Variants in U2AF2 observed in about 807,000 individuals in gnomAD.
U2AF2 encodes the protein U2 small nuclear RNA auxiliary factor 2, also known as splicing factor U2AF 65 kDa subunit.
Under a neutral mutation model 52.6 loss-of-function variants are expected in U2AF2, and 6 were observed. The observed-to-expected ratio is 0.11, with a 90% CI of 0.06 to 0.23. U2AF2 has a LOEUF of 0.23. U2AF2 is among the 10% of genes least tolerant of loss of function. The probability of loss-of-function intolerance (pLI) is 1.00; values close to 1 mark genes in which losing one functional copy is unlikely to be tolerated. For missense variants in U2AF2, 222 were observed against 677.1 expected (o/e 0.33, Z 7.46); for synonymous variants, 284 against 258.2 (o/e 1.10, Z -0.96).
intron 6 of U2AF2, among the ~76,000 whole-genome samples, chr19:55,662,900 C>T (rs1984307552): frequency 6.6e-6 from 1 of 152,118 alleles, no homozygotes; most frequent in Non-Finnish European, 1.5e-5. Context: ...GCACTCTGGC[C>T]ACACTGACCT....
At chr19:55,657,988 GT>G (rs946295302) in intron 1 of U2AF2, among the ~76,000 whole-genome samples, 2 of 152,176 alleles carry the variant, frequency 1.3e-5, no homozygotes, top group Non-Finnish European at 2.9e-5. Flanking sequence ...ATTTGTTGCT[GT>G]TTTTTTCCCT....
rs1983983646 is a variant in U2AF2, at chr19:55,659,063, G to A, written c.50-147G>A. ...CCTGGACTCGCTTGTGGACCCAGGA[G>A]GCCTGTTAATTCCCTTCCTCCATTG... is the stretch of plus-strand genomic sequence containing the variant. On this transcript the variant is annotated intron_variant, in intron 1 of 11. Transcript: ENST00000308924. 3.1e-6 allele frequency: 4 copies of A among 1,272,518 alleles called. No homozygotes were observed. In the South Asian group the frequency reaches 8.9e-5, roughly 28 times the overall value. The allele number at this position is 1,272,518 out of a possible 1,614,324, so 78.8% of individuals were successfully genotyped here.
intron 1 of U2AF2, 109 bp downstream of exon 1, chr19:55,655,262 C>T (rs547162552): frequency 1.4e-5 from 17 of 1,221,692 alleles, no homozygotes; most frequent in Non-Finnish European, 1.7e-5. Context: ...CCGCGCGGCG[C>T]CCCCCAACCC....
Position 55,665,060 on chromosome 19 carries a change from T to C in U2AF2, c.742+1316T>C, listed in dbSNP as rs114674305. Reference sequence around the variant, plus strand: ...GGGTTTTGGTAAATTCAGCTAACCTTTTGGAGCCTGTAATATATGTTGACA... The same window carrying C: ...GGGTTTTGGTAAATTCAGCTAACCTCTTGGAGCCTGTAATATATGTTGACA... On this transcript the variant is annotated intron_variant, in intron 7 of 11. Coordinates refer to ENST00000308924, the MANE Select transcript of U2AF2 (RefSeq NM_007279.3). Among the ~76,000 whole-genome samples the C allele has an allele frequency of 9.0e-3, 1,365 of 152,290 alleles. 18 individuals are homozygous for C. Among genetic ancestry groups the C allele is most frequent in the African/African-American group, 0.032 (1,319 of 41,554 alleles).
intron 1 of U2AF2, among the ~76,000 whole-genome samples, chr19:55,655,882 G>A (rs1325443081): frequency 1.3e-5 from 2 of 152,210 alleles, no homozygotes; most frequent in South Asian, 2.1e-4. Flanking sequence ...TGGCGGTCCC[G>A]AGAATCGCGA....
intron 7 of U2AF2, among the ~76,000 whole-genome samples, chr19:55,667,435 C>T (rs916865227): frequency 1.3e-4 from 20 of 152,096 alleles, no homozygotes; most frequent in African/African-American, 4.1e-4. Flanking sequence ...TCTGACAGGA[C>T]GGCGTCAAGT....
Position 55,655,163 on chromosome 19 carries a change from C to T in U2AF2, c.49+10C>T, listed in dbSNP as rs1360659200. The stretch of plus-strand genomic sequence containing the variant: ...AACGAGAATAAACAAGGTGAGGGCA[C>T]CGGGGTCGCGGGGCGGAGGTGTGGG... On this transcript the variant is annotated intron_variant, in intron 1 of 11. Transcript: ENST00000308924. 3.1e-6 allele frequency: 5 copies of T among 1,602,026 alleles called. No individual in the cohort carries two copies. The highest frequency in any genetic ancestry group is 4.3e-6 in the Non-Finnish European group (5 of 1,175,304).
chr19:55,661,269 A>C (rs1984171585), intron 5 of U2AF2, 80 bp downstream of exon 5: 12 of 1,339,576 alleles, frequency 9.0e-6, no homozygotes, highest in South Asian at 1.7e-5. Flanking sequence ...CCTTTCCCCA[A>C]CCTGCACGGG....
chr19:55,657,870 C>T (rs1038947274), intron 1 of U2AF2, among the ~76,000 whole-genome samples: 2 of 152,158 alleles, frequency 1.3e-5, no homozygotes, highest in African/African-American at 4.8e-5. Flanking sequence ...ACCTTAGTTT[C>T]CTTACCCATT....
intron 6 of U2AF2, 145 bp downstream of exon 6, chr19:55,662,763 T>C (rs1468932240): frequency 4.3e-6 from 3 of 691,478 alleles, no homozygotes; most frequent in South Asian, 3.5e-5. Flanking sequence ...AAGTGAGCCC[T>C]GTTATAGCAT....
At chr19:55,661,546 G>A (rs1223860170) in intron 5 of U2AF2, among the ~76,000 whole-genome samples, 13 of 144,192 alleles carry the variant, frequency 9.0e-5, no homozygotes. Context: ...ACACACAGAC[G>A]CACGCTGCCC....
At chr19:55,662,175 G>T in intron 5 of U2AF2, 1 of 229,968 alleles carries the variant, frequency 4.3e-6, no homozygotes, top group East Asian at 9.9e-5. Context: ...ATTTTGTGTT[G>T]TCATCATGCC....
chr19:55,658,780 G>A (rs768657454), intron 1 of U2AF2: 98 of 159,412 alleles, frequency 6.1e-4, no homozygotes, highest in Non-Finnish European at 9.6e-4. Flanking sequence ...GGGGCTGTGG[G>A]TGCCAGCTAG....
At chr19:55,660,919 C>G in intron 4 of U2AF2, 119 bp from the exon 5 acceptor site, 8 of 1,464,776 alleles carry the variant, frequency 5.5e-6, no homozygotes, top group Non-Finnish European at 7.3e-6. Flanking sequence ...CTGGAAGGTG[C>G]TAAGACCGAG....
chr19:55,664,902 G>A (rs910559672), intron 7 of U2AF2, among the ~76,000 whole-genome samples: 1 of 152,082 alleles, frequency 6.6e-6, no homozygotes, highest in East Asian at 1.9e-4. Flanking sequence ...ATTTTTAGTA[G>A]AGGGTGGGTT....
At chr19:55,673,805 C>T (rs1985091285) in intron 11 of U2AF2, 129 bp from the exon 12 acceptor site, 2 of 1,357,162 alleles carry the variant, frequency 1.5e-6, no homozygotes, top group Non-Finnish European at 2.0e-6. Context: ...CTAAGGGTCC[C>T]TTTCTGACAC....
At chr19:55,672,733 T>TG (rs1420393783) in intron 11 of U2AF2, among the ~76,000 whole-genome samples, 1 of 151,822 alleles carries the variant, frequency 6.6e-6, no homozygotes, top group Non-Finnish European at 1.5e-5. Context: ...TCAAGAATTT[T>TG]TTTTTTTTTT....
At position 55,673,923 on chromosome 19, in the gene U2AF2, T is replaced by G; in HGVS notation, c.1294-11T>G. 6.2e-7 allele frequency: 1 copy of G among 1,606,916 alleles called. No individual in the cohort carries two copies. The highest frequency in any genetic ancestry group is 8.5e-7 in the Non-Finnish European group (1 of 1,175,816). ...GCCTTGTTCACAAACCTGCCTCTCCTTTCCCCACAGATCTTTGTGGAGTTC... is the reference window on the plus strand; with the variant it reads ...GCCTTGTTCACAAACCTGCCTCTCCGTTCCCCACAGATCTTTGTGGAGTTC... On this transcript the variant is annotated splice_polypyrimidine_tract_variant and intron_variant, in intron 11 of 11. Coordinates refer to ENST00000308924, the MANE Select transcript of U2AF2 (RefSeq NM_007279.3).
rs1452233497 is a variant in U2AF2, at chr19:55,660,544, A to G, written c.259A>G (p.Lys87Glu). 2 of 1,575,378 alleles carry G rather than the reference A, an allele frequency of 1.3e-6. No homozygotes were observed. The highest frequency in any genetic ancestry group is 1.7e-6 in the Non-Finnish European group (2 of 1,157,950). ...IRSPRHEKKK[K>E]VRKYWDVPPP... ...TTCCCCCCGCCACGAGAAGAAGAAGAAGGTCCGTAAATACTGGGACGTGCC... is the reference window on the plus strand; with the variant it reads ...TTCCCCCCGCCACGAGAAGAAGAAGGAGGTCCGTAAATACTGGGACGTGCC... The change falls in exon 4 of 12, where the codon AAG becomes GAG. Residue 87 changes from lysine (K) to glutamate (E), a missense_variant. Physicochemically the swap from Lys to Glu is moderately conservative, Grantham distance 56. Around this residue, in one of 4 missense-constraint regions of U2AF2, gnomAD observed 100 missense variants for 144.1 expected, o/e 0.69. Transcript: ENST00000308924.
Sources: allele counts gnomAD v4.1 joint callset (sites outside exome capture counted in the v4.1 genomes callset), GRCh38; gene constraint gnomAD v4.1.1; regional missense constraint gnomAD v4.1.1; transcripts MANE v1.5; gene names NCBI Gene and HGNC (gene_info 2026-07-23, HGNC 2026-07-21).